The following JAKMIP2 variants were observed in gnomAD, a reference collection of about 807,000 sequenced individuals.
JAKMIP2 encodes janus kinase and microtubule-interacting protein 2.
JAKMIP2 carries 25 observed loss-of-function variants against 115.0 expected under a neutral mutation model. The observed-to-expected ratio is 0.22, with a 90% confidence interval of 0.16 to 0.30. The LOEUF (loss-of-function observed/expected upper bound fraction) is 0.30. JAKMIP2 is among the 10% of genes least tolerant of loss of function. JAKMIP2 has a pLI of 1.00. For missense variants in JAKMIP2, 642 were observed against 957.6 expected, an observed-to-expected ratio of 0.67 and a Z score of 4.35; for synonymous variants, 334 against 343.6, an observed-to-expected ratio of 0.97 and a Z score of 0.31.
Position 147,589,490 on chromosome 5 carries a change from T to C in JAKMIP2, c.*2217A>G, listed in dbSNP as rs1277890525. 1 of 151,950 alleles carries C rather than the reference T, an allele frequency of 6.6e-6. No individual in the cohort carries two copies. The highest frequency in any genetic ancestry group is 6.6e-5 in the Admixed American group (1 of 15,250). 9.4% of individuals were successfully genotyped at this position (151,950 alleles called of 1,614,324 possible). ...GAATACAGCAGGATAGTCTGTTTTG[T>C]ATCTTCCCAGTAGGGCATACCACCT... On this transcript the variant is annotated 3_prime_UTR_variant, in exon 22 of 22. Transcript: ENST00000616793.
At chr5:147,694,721 A>G (rs1398033632) in intron 1 of JAKMIP2, among the ~76,000 whole-genome samples, 1 of 152,186 alleles carries the variant, frequency 6.6e-6, no homozygotes, top group East Asian at 1.9e-4. Flanking sequence ...GGTATTTTTC[A>G]GATTCACTCT....
intron 1 of JAKMIP2, among the ~76,000 whole-genome samples, chr5:147,676,451 C>G (rs964197252): frequency 6.6e-6 from 1 of 152,154 alleles, no homozygotes; most frequent in Non-Finnish European, 1.5e-5. Flanking sequence ...GCAGATTATC[C>G]GGAGGAAGGA....
chr5:147,630,629 G>A (rs770659860), intron 14 of JAKMIP2, among the ~76,000 whole-genome samples: 17 of 152,080 alleles, frequency 1.1e-4, no homozygotes, highest in Non-Finnish European at 2.4e-4. Context: ...ACCAGGAAAG[G>A]GAAAGTCTAG....
intron 1 of JAKMIP2, among the ~76,000 whole-genome samples, chr5:147,753,885 T>A (rs1241798105): frequency 6.6e-6 from 1 of 152,028 alleles, no homozygotes; most frequent in African/African-American, 2.4e-5. Context: ...CTTTTTGGTC[T>A]GGAACACTGT....
intron 1 of JAKMIP2, among the ~76,000 whole-genome samples, chr5:147,779,978 C>T (rs1046360140): frequency 2.6e-5 from 4 of 152,110 alleles, no homozygotes. Flanking sequence ...AAAGTTGAAG[C>T]CCATTGACTA....
In JAKMIP2 at chr5:147,588,749, C is replaced by T. The variant is rs942412905; in HGVS notation, c.*2958G>A. The stretch of plus-strand genomic sequence containing the variant: ...CTAAACACATCTAAAGCTGCTTGGA[C>T]AATCATCCTAGCTGTTGTTCTCATA... On this transcript the variant is annotated 3_prime_UTR_variant, in exon 22 of 22. Coordinates refer to ENST00000616793, the MANE Select transcript of JAKMIP2 (RefSeq NM_001270941.2). 1.8e-4 allele frequency: 27 copies of T among 152,132 alleles called. No individual in the cohort carries two copies. The highest frequency in any genetic ancestry group is 6.0e-4 in the African/African-American group (25 of 41,428). 9.4% of individuals were successfully genotyped at this position (152,132 alleles called of 1,614,324 possible). A position where few individuals can be genotyped will look rare whatever the true frequency, so the allele number is the denominator to read the frequency against.
chr5:147,700,323 T>C (rs1054374115), intron 1 of JAKMIP2, among the ~76,000 whole-genome samples: 2 of 151,962 alleles, frequency 1.3e-5, no homozygotes, highest in Non-Finnish European at 2.9e-5. Context: ...ATAATTATAA[T>C]TGAAAATTAA....
chr5:147,599,023 T>C (rs1264721609), intron 21 of JAKMIP2, among the ~76,000 whole-genome samples: 1 of 152,186 alleles, frequency 6.6e-6, no homozygotes, highest in African/African-American at 2.4e-5. Context: ...GAAGAGGAGA[T>C]GAAAAAGCAA....
chr5:147,718,361 C>T (rs58305083), intron 1 of JAKMIP2, among the ~76,000 whole-genome samples: 64,913 of 146,720 alleles, frequency 0.44, 15,407 homozygotes, highest in African/African-American at 0.61. Flanking sequence ...GCTGGCCTCA[C>T]AAAATGAGTT....
At chr5:147,693,428 G>T (rs965658393) in intron 1 of JAKMIP2, among the ~76,000 whole-genome samples, 15 of 152,158 alleles carry the variant, frequency 9.9e-5, no homozygotes, top group Non-Finnish European at 8.8e-5. Flanking sequence ...ATGGTGAGTA[G>T]TCATTCAGCT....
chr5:147,698,673 C>T (rs1479694041), intron 1 of JAKMIP2, among the ~76,000 whole-genome samples: 15 of 152,192 alleles, frequency 9.9e-5, no homozygotes, highest in Admixed American at 9.2e-4. Context: ...CTTCTCTCTC[C>T]TGCTGCCTTG....
intron 1 of JAKMIP2, among the ~76,000 whole-genome samples, chr5:147,754,566 A>T (rs1343613807): frequency 6.6e-6 from 1 of 152,152 alleles, no homozygotes; most frequent in Non-Finnish European, 1.5e-5. Context: ...CACTTTAAGG[A>T]TGACTAGAGT....
At chr5:147,643,245 A>G (rs1355310451) in intron 7 of JAKMIP2, among the ~76,000 whole-genome samples, 1 of 152,164 alleles carries the variant, frequency 6.6e-6, no homozygotes, top group Non-Finnish European at 1.5e-5. Context: ...AGAAATTTTA[A>G]AAAGGATGAA....
intron 1 of JAKMIP2, among the ~76,000 whole-genome samples, chr5:147,750,203 G>A (rs1157801601): frequency 6.6e-6 from 1 of 152,120 alleles, no homozygotes. Context: ...GAAGATGAGG[G>A]AAGAGAAAAT....
chr5:147,702,607 A>G (rs201908001), intron 1 of JAKMIP2, among the ~76,000 whole-genome samples: 452 of 16,580 alleles, frequency 0.027, 2 homozygotes, highest in African/African-American at 0.044. Flanking sequence ...AAAGAAGGAA[A>G]GAAAGAAAGA....
At chr5:147,769,547 C>A (rs935468409) in intron 1 of JAKMIP2, among the ~76,000 whole-genome samples, 1 of 152,038 alleles carries the variant, frequency 6.6e-6, no homozygotes, top group Non-Finnish European at 1.5e-5. Context: ...ATGAACTAAA[C>A]CCACTATAGA....
chr5:147,595,334 G>A, intron 21 of JAKMIP2: 1 of 413,124 alleles, frequency 2.4e-6, no homozygotes, highest in Non-Finnish European at 4.9e-6. Flanking sequence ...CATGAGTGCA[G>A]AATGGATGAG....
At chr5:147,609,750 G>C (rs762776755) in intron 20 of JAKMIP2, among the ~76,000 whole-genome samples, 1 of 152,196 alleles carries the variant, frequency 6.6e-6, no homozygotes, top group African/African-American at 2.4e-5. Context: ...AAGTTCTCCC[G>C]GATAATTTCC....
intron 1 of JAKMIP2, among the ~76,000 whole-genome samples, chr5:147,694,634 G>A (rs1238217893): frequency 6.6e-6 from 1 of 152,110 alleles, no homozygotes; most frequent in East Asian, 1.9e-4. Context: ...TGTGTAATTT[G>A]GCCTCTCATG....
Sources: gnomAD v4.1 joint callset for allele counts (sites outside exome capture counted in the v4.1 genomes callset) on GRCh38, gnomAD v4.1.1 for gene constraint, MANE v1.5 for transcripts, NCBI Gene and HGNC (gene_info 2026-07-23, HGNC 2026-07-21) for gene names.